The following DCC variants were observed in gnomAD, a reference collection of about 807,000 sequenced individuals.
DCC encodes the protein DCC netrin 1 receptor.
Under a neutral mutation model 172.5 loss-of-function variants are expected in DCC, and 58 were observed. That is an observed-to-expected ratio of 0.34 (90% CI 0.27 to 0.42). DCC has a LOEUF of 0.42. Ranked by LOEUF, DCC falls within the 10% of genes least tolerant of loss-of-function variation. The pLI is 1.00. For synonymous variants in DCC, 709 were observed against 644.5 expected (o/e 1.10, Z -1.52); for missense variants, 1,740 against 1,791.0 (o/e 0.97, Z 0.51).
chr18:53,094,553 T>C (rs1472933826), intron 7 of DCC, among the ~76,000 whole-genome samples: 1 of 152,246 alleles, frequency 6.6e-6, no homozygotes, highest in Non-Finnish European at 1.5e-5. Context: ...GGACTGCAAA[T>C]TATAGCATAA....
intron 2 of DCC, among the ~76,000 whole-genome samples, chr18:52,783,323 CTTTTTTTTTTTTTTTTTTTTT>C (rs374129823): frequency 1.2e-4 from 7 of 59,254 alleles, no homozygotes; most frequent in African/African-American, 4.8e-4. Context: ...TACTACTACT[CTTTTTTTTTTTTTTTTTTTTT>C]TTTTTTTTTT....
At chr18:52,513,635 A>T (rs1466209461) in intron 1 of DCC, among the ~76,000 whole-genome samples, 5 of 152,200 alleles carry the variant, frequency 3.3e-5, no homozygotes, top group Non-Finnish European at 2.9e-5. Context: ...AACAGCTAAT[A>T]GATGAGTCAG....
intron 5 of DCC, among the ~76,000 whole-genome samples, chr18:52,925,997 A>G (rs947580804): frequency 8.6e-5 from 13 of 151,868 alleles, no homozygotes; most frequent in African/African-American, 3.1e-4. Context: ...ACAAACACAT[A>G]TTTTTATCAC....
chr18:52,878,855 G>C (rs547545988), intron 2 of DCC, among the ~76,000 whole-genome samples: 2 of 152,278 alleles, frequency 1.3e-5, no homozygotes, highest in East Asian at 3.9e-4. Flanking sequence ...AAATATATTT[G>C]ATACTTGAGA....
intron 22 of DCC, among the ~76,000 whole-genome samples, chr18:53,444,282 C>G (rs1803614351): frequency 6.6e-6 from 1 of 152,140 alleles, no homozygotes; most frequent in Non-Finnish European, 1.5e-5. Flanking sequence ...TGGCTTATGC[C>G]TATAATCCCA....
intron 1 of DCC, among the ~76,000 whole-genome samples, chr18:52,411,454 A>T (rs1407952126): frequency 6.6e-6 from 1 of 152,142 alleles, no homozygotes; most frequent in African/African-American, 2.4e-5. Context: ...TGCTCTCTGG[A>T]CCCAAAAGTA....
Position 52,401,704 on chromosome 18 carries a change from T to C in DCC, c.91+60826T>C, listed in dbSNP as rs575092832. 5.5e-4 allele frequency among the ~76,000 whole-genome samples: 84 copies of C among 152,156 alleles called. 1 individual carries two copies. The highest frequency in any genetic ancestry group is 2.0e-3 in the African/African-American group (82 of 41,536). ...CTGTTCTAAGTCCTAGAGCAGTGAA[T>C]TATGTCTTTTCTTTCAAAAGTGAGA... On this transcript the variant is annotated intron_variant, in intron 1 of 28. Coordinates refer to ENST00000442544, the MANE Select transcript of DCC (RefSeq NM_005215.4).
chr18:53,096,741 G>A (rs2043093323), intron 7 of DCC, among the ~76,000 whole-genome samples: 1 of 152,022 alleles, frequency 6.6e-6, no homozygotes, highest in Non-Finnish European at 1.5e-5. Flanking sequence ...AGGAAAAGAA[G>A]CATTAAGCAG....
At chr18:52,856,905 G>C (rs945728879) in intron 2 of DCC, among the ~76,000 whole-genome samples, 1 of 152,086 alleles carries the variant, frequency 6.6e-6, no homozygotes, top group African/African-American at 2.4e-5. Context: ...AACAAATTAG[G>C]TATGAATTTT....
intron 11 of DCC, among the ~76,000 whole-genome samples, chr18:53,209,305 A>G (rs2055708677): frequency 6.6e-6 from 1 of 152,234 alleles, no homozygotes; most frequent in African/African-American, 2.4e-5. Flanking sequence ...ACATCAAAGT[A>G]TATGATGTGG....
At chr18:53,477,991 C>G (rs1356582209) in intron 25 of DCC, among the ~76,000 whole-genome samples, 1 of 152,078 alleles carries the variant, frequency 6.6e-6, no homozygotes, top group Non-Finnish European at 1.5e-5. Flanking sequence ...AAATTAATTA[C>G]AAAAAAGTCA....
intron 1 of DCC, among the ~76,000 whole-genome samples, chr18:52,348,411 C>G (rs994383099): frequency 2.6e-5 from 4 of 152,156 alleles, no homozygotes; most frequent in Non-Finnish European, 2.9e-5. Context: ...GTTACTGAAA[C>G]CCCCACCAGG....
chr18:53,271,802 G>A (rs112213932), intron 12 of DCC, among the ~76,000 whole-genome samples: 1 of 152,100 alleles, frequency 6.6e-6, no homozygotes, highest in Non-Finnish European at 1.5e-5. Context: ...GGATCACTGG[G>A]CACCATTTTT....
chr18:52,812,156 A>G (rs2038212752), intron 2 of DCC, among the ~76,000 whole-genome samples: 2 of 152,192 alleles, frequency 1.3e-5, no homozygotes, highest in African/African-American at 2.4e-5. Context: ...TTTAGTTTGG[A>G]GCACTTTTTC....
intron 9 of DCC, among the ~76,000 whole-genome samples, chr18:53,192,878 C>G (rs2055386261): frequency 1.3e-5 from 2 of 152,196 alleles, no homozygotes; most frequent in South Asian, 4.1e-4. Context: ...TTTCCTTTCT[C>G]AGTGAACAAC....
At position 53,482,477 on chromosome 18, in the gene DCC, T is replaced by C. The variant is rs141357846; in HGVS notation, c.3737-4320T>C. On this transcript the variant is annotated intron_variant, in intron 25 of 28. Transcript: ENST00000442544. ...AGTGTAAGTTCAGTCTCTAGAGTGC[T>C]CTCAGCACTCTAACTAAAAGATTAT... 7.8e-3 allele frequency among the ~76,000 whole-genome samples: 1,186 copies of C among 152,238 alleles called. 11 individuals are homozygous for C. Among genetic ancestry groups the C allele is most frequent in the Middle Eastern group, 0.017 (5 of 294 alleles).
chr18:52,345,923 A>C (rs1348154627), intron 1 of DCC, among the ~76,000 whole-genome samples: 3 of 152,192 alleles, frequency 2.0e-5, no homozygotes, highest in Non-Finnish European at 4.4e-5. Flanking sequence ...TGAGCTCTAT[A>C]AGATAATAGG....
intron 15 of DCC, among the ~76,000 whole-genome samples, chr18:53,380,146 T>G (rs1312682777): frequency 6.6e-6 from 1 of 152,196 alleles, no homozygotes; most frequent in East Asian, 1.9e-4. Context: ...ATATTAAATG[T>G]GTTTAACTCA....
chr18:52,724,272 T>C (rs2036518391), intron 1 of DCC, among the ~76,000 whole-genome samples: 1 of 152,062 alleles, frequency 6.6e-6, no homozygotes, highest in Admixed American at 6.6e-5. Context: ...TCAGCCTCCT[T>C]AGTAGCTGAG....
Sources: allele counts gnomAD v4.1 joint callset (sites outside exome capture counted in the v4.1 genomes callset), GRCh38; gene constraint gnomAD v4.1.1; transcripts MANE v1.5; gene names NCBI Gene and HGNC (gene_info 2026-07-23, HGNC 2026-07-21).